ATF7: variants seen among roughly 807,000 people sequenced by gnomAD.
ATF7 encodes the protein activating transcription factor 7.
A neutral mutation model predicts 50.4 loss-of-function variants in ATF7; 10 were observed. That is an observed-to-expected ratio of 0.20 (90% CI 0.12 to 0.34). The LOEUF (loss-of-function observed/expected upper bound fraction) is 0.34, where lower values mean the gene tolerates loss of function less well. ATF7 is among the 10% of genes least tolerant of loss of function. The probability of loss-of-function intolerance (pLI) is 1.00; values close to 1 mark genes in which losing one functional copy is unlikely to be tolerated. For synonymous variants in ATF7, 201 were observed against 226.4 expected (o/e 0.89, Z 1.01); for missense variants, 465 against 613.9 (o/e 0.76, Z 2.56).
chr12:53,574,778 G>C (rs903469780), intron 2 of ATF7: 21 of 216,566 alleles, frequency 9.7e-5, no homozygotes, highest in African/African-American at 4.7e-4. Context: ...CTTATAACCA[G>C]TAAGCTTCAG....
intron 1 of ATF7, among the ~76,000 whole-genome samples, chr12:53,617,448 T>C (rs1364404164): frequency 2.0e-5 from 3 of 152,020 alleles, no homozygotes; most frequent in African/African-American, 2.4e-5. Context: ...GCCAACATGG[T>C]TGAAACCCCG....
At chr12:53,548,534 C>T (rs771195918) in intron 3 of ATF7, among the ~76,000 whole-genome samples, 3 of 149,710 alleles carry the variant, frequency 2.0e-5, no homozygotes, top group East Asian at 2.0e-4. Context: ...GGTCTTGCTA[C>T]GTTGCCCAGG....
intron 2 of ATF7, among the ~76,000 whole-genome samples, chr12:53,571,007 T>C (rs1224432959): frequency 6.6e-6 from 1 of 152,120 alleles, no homozygotes; most frequent in East Asian, 1.9e-4. Context: ...AATGTTACCT[T>C]ATATGGTGAT....
intron 2 of ATF7, among the ~76,000 whole-genome samples, chr12:53,583,864 C>T (rs894268874): frequency 2.0e-5 from 3 of 152,116 alleles, no homozygotes; most frequent in African/African-American, 7.2e-5. Flanking sequence ...AAATGAACAA[C>T]CTGATTAAAA....
rs1211091273 is a variant in ATF7 at position 53,540,308 on chromosome 12, C to T, written c.265-2756G>A. The stretch of plus-strand genomic sequence containing the variant: ...GGAGGTTGCAGTGAGCCATCATGAT[C>T]GCACCACTGCACTCCACCTGGATGA... On this transcript the variant is annotated intron_variant, in intron 4 of 11. Coordinates refer to ENST00000420353, the MANE Select transcript of ATF7 (RefSeq NM_006856.3). Among the ~76,000 whole-genome samples the T allele has an allele frequency of 8.2e-5, 12 of 146,928 alleles. 1 individual carries two copies. The highest frequency in any genetic ancestry group is 5.1e-5 in the African/African-American group (2 of 39,440).
intron 2 of ATF7, chr12:53,600,672 G>A (rs1371409751): frequency 7.1e-6 from 2 of 280,536 alleles, no homozygotes; most frequent in African/African-American, 2.2e-5. Context: ...TATTTAGATG[G>A]ACAGCTTTAG....
intron 2 of ATF7, among the ~76,000 whole-genome samples, chr12:53,554,870 GAA>G (rs61675595): frequency 3.9e-4 from 30 of 76,048 alleles, no homozygotes; most frequent in Non-Finnish European, 6.7e-4. Context: ...CTCAAAAAAA[GAA>G]AAAAAAAAAA....
intron 1 of ATF7, among the ~76,000 whole-genome samples, chr12:53,607,077 C>A (rs1015424939): frequency 4.6e-5 from 7 of 152,062 alleles, no homozygotes; most frequent in African/African-American, 9.7e-5. Flanking sequence ...GGTATATATC[C>A]AGTAATGGGA....
chr12:53,541,493 G>A (rs1939549502), intron 4 of ATF7, among the ~76,000 whole-genome samples: 1 of 152,028 alleles, frequency 6.6e-6, no homozygotes, highest in Non-Finnish European at 1.5e-5. Context: ...TTATTCCATG[G>A]GAACTATCTT....
At chr12:53,530,002 A>G (rs1260163823) in intron 9 of ATF7, among the ~76,000 whole-genome samples, 1 of 152,164 alleles carries the variant, frequency 6.6e-6, no homozygotes, top group East Asian at 1.9e-4. Context: ...TCGGCCTCCC[A>G]AAGTGCTGGG....
In ATF7 at chr12:53,610,168, T is replaced by G. The variant is rs142357795; in HGVS notation, c.-21-9147A>C. On this transcript the variant is annotated intron_variant, in intron 1 of 11. Coordinates refer to ENST00000420353, the MANE Select transcript of ATF7 (RefSeq NM_006856.3). Reference sequence around the variant, plus strand: ...TTTTGTAAAGCACTTGCTAACAGACTGGAAAACTGAGGCAGAGAGTTACAA... The same window carrying G: ...TTTTGTAAAGCACTTGCTAACAGACGGGAAAACTGAGGCAGAGAGTTACAA... 1.5e-3 allele frequency among the ~76,000 whole-genome samples: 231 copies of G among 152,168 alleles called. 1 individual carries two copies. The highest frequency in any genetic ancestry group is 4.6e-3 in the African/African-American group (190 of 41,512).
chr12:53,599,570 C>A (rs781245394), intron 2 of ATF7, among the ~76,000 whole-genome samples: 1 of 151,954 alleles, frequency 6.6e-6, no homozygotes, highest in Non-Finnish European at 1.5e-5. Context: ...GCAAATACTG[C>A]AGAATATGAT....
intron 6 of ATF7, 24 bp downstream of exon 6, chr12:53,534,478 C>T: frequency 6.2e-7 from 1 of 1,613,530 alleles, no homozygotes; most frequent in Non-Finnish European, 8.5e-7. Flanking sequence ...GCCTTCACTA[C>T]TTCTCCCTGC....
intron 5 of ATF7, among the ~76,000 whole-genome samples, chr12:53,535,364 AT>A (rs1395273517): frequency 2.0e-5 from 3 of 148,840 alleles, no homozygotes; most frequent in Non-Finnish European, 3.0e-5. Context: ...AGGAGATGGG[AT>A]GGTTGTAATG....
At chr12:53,547,261 G>C (rs1304433722) in intron 3 of ATF7, among the ~76,000 whole-genome samples, 2 of 148,852 alleles carry the variant, frequency 1.3e-5, no homozygotes, top group African/African-American at 2.5e-5. Flanking sequence ...TGGGATTACA[G>C]GTGTGAGCCA....
At chr12:53,531,686 T>C (rs556994066) in intron 9 of ATF7, 58 bp downstream of exon 9, 1,618 of 1,506,786 alleles carry the variant, frequency 1.1e-3, no homozygotes, top group Non-Finnish European at 1.4e-3. Flanking sequence ...CCTTGAACAA[T>C]AGATATGACA....
chr12:53,529,710 T>TACACACACACACACACAC (rs796404325), intron 9 of ATF7, among the ~76,000 whole-genome samples: 1,947 of 132,138 alleles, frequency 0.015, 30 homozygotes, highest in African/African-American at 0.04. Context: ...TATATACACA[T>TACACACACACACACACAC]ACACACACAC....
At chr12:53,575,868 A>C (rs536187404) in intron 2 of ATF7, 17 of 152,902 alleles carry the variant, frequency 1.1e-4, no homozygotes, top group African/African-American at 4.1e-4. Flanking sequence ...AGTCTTTTGT[A>C]TGCAAGGAGT....
chr12:53,591,944 C>T (rs1218480698), intron 2 of ATF7, among the ~76,000 whole-genome samples: 2 of 152,236 alleles, frequency 1.3e-5, no homozygotes. Context: ...AAAGGAACAA[C>T]TCTTTCCTTT....
Sources: allele counts gnomAD v4.1 joint callset (sites outside exome capture counted in the v4.1 genomes callset), GRCh38; gene constraint gnomAD v4.1.1; transcripts MANE v1.5; gene names NCBI Gene and HGNC (gene_info 2026-07-23, HGNC 2026-07-21).